The following CUX1 variants were observed in gnomAD, a reference collection of about 807,000 sequenced individuals.
The protein encoded by CUX1 is cut like homeobox 1.
A neutral mutation model predicts 158.8 loss-of-function variants in CUX1; 31 were observed. That is an observed-to-expected ratio of 0.20 (90% CI 0.15 to 0.26). The LOEUF is 0.26. Among genes scored for constraint, CUX1 ranks in the 10% least tolerant of loss-of-function variants. The pLI is 1.00. For missense variants in CUX1, 1,589 were observed against 2,014.6 expected (o/e 0.79, Z 4.04); for synonymous variants, 879 against 862.1 (o/e 1.02, Z -0.34).
At chr7:102,273,375 C>T (rs62001055) in exon 15 of CUX1, 12 of 1,611,788 alleles carry the variant, frequency 7.4e-6, no homozygotes, top group African/African-American at 4.0e-5. Flanking sequence ...GGACGCTGTG[C>T]GGAGCTGCAA....
intron 2 of CUX1, among the ~76,000 whole-genome samples, chr7:101,980,084 C>A (rs1476137300): frequency 6.6e-6 from 1 of 152,200 alleles, no homozygotes; most frequent in Non-Finnish European, 1.5e-5. Context: ...TGGAAGGGCT[C>A]CCAGCCAGCA....
rs532380648 is a variant in CUX1 at position 101,913,588 on chromosome 7, G to A, written c.31-2527G>A. 56 of 249,742 alleles carry A rather than the reference G, an allele frequency of 2.2e-4. 1 individual carries two copies. The Middle Eastern group carries it at 5.2e-3, about 23-fold the overall frequency. 15.5% of individuals were successfully genotyped at this position (249,742 alleles called of 1,614,324 possible). Reference sequence around the variant, plus strand: ...CGGCTCATCTGGCATCTTCCCCAGCGTTTCCCACACTTGACCCACTAGATG... The same window carrying A: ...CGGCTCATCTGGCATCTTCCCCAGCATTTCCCACACTTGACCCACTAGATG... On this transcript the variant is annotated intron_variant, in intron 1 of 23. Transcript: ENST00000292535.
intron 3 of CUX1, among the ~76,000 whole-genome samples, chr7:102,045,665 A>C: frequency 6.6e-6 from 1 of 152,418 alleles, no homozygotes; most frequent in Admixed American, 6.5e-5. Context: ...GGGCAAATTG[A>C]TTTCGGCCCA....
At chr7:102,144,181 C>T (rs1834773231) in intron 8 of CUX1, among the ~76,000 whole-genome samples, 1 of 152,174 alleles carries the variant, frequency 6.6e-6, no homozygotes, top group Non-Finnish European at 1.5e-5. Flanking sequence ...TTATGTCTTG[C>T]TTATCACCTT....
chr7:102,148,888 C>A (rs1280450267), intron 8 of CUX1, among the ~76,000 whole-genome samples: 2 of 151,490 alleles, frequency 1.3e-5, no homozygotes, highest in African/African-American at 2.4e-5. Context: ...GCATTTTCAT[C>A]GCTTAGCTCC....
chr7:102,148,285 T>C (rs1057339302), intron 8 of CUX1, among the ~76,000 whole-genome samples: 1 of 152,078 alleles, frequency 6.6e-6, no homozygotes, highest in Admixed American at 6.5e-5. Flanking sequence ...ACACCTGTGA[T>C]CCTAACACCT....
chr7:102,142,974 C>T (rs1031759916), intron 8 of CUX1, among the ~76,000 whole-genome samples: 2 of 152,042 alleles, frequency 1.3e-5, no homozygotes, highest in African/African-American at 2.4e-5. Context: ...AAGTAACAAC[C>T]GGTCCCCATT....
In CUX1 at chr7:102,256,492, T is replaced by C; in HGVS notation, c.*7450T>C. Reference sequence around the variant, plus strand: ...TACTCCCCCAGAGAACCAAGGCGTCTGGGGGATTGACTGGGGGGCAGAGGG... The same window carrying C: ...TACTCCCCCAGAGAACCAAGGCGTCCGGGGGATTGACTGGGGGGCAGAGGG... On this transcript the variant is annotated 3_prime_UTR_variant, in exon 24 of 24. Transcript: ENST00000292535. 1 of 985,406 alleles carries C rather than the reference T, an allele frequency of 1.0e-6. No individual in the cohort carries two copies. The highest frequency in any genetic ancestry group is 1.2e-6 in the Non-Finnish European group (1 of 829,922). The allele number at this position is 985,406 out of a possible 1,614,324, so 61.0% of individuals were successfully genotyped here.
At chr7:102,220,442 C>G (rs868956708) in intron 20 of CUX1, among the ~76,000 whole-genome samples, 25 of 152,324 alleles carry the variant, frequency 1.6e-4, no homozygotes, top group South Asian at 8.3e-4. Flanking sequence ...CGTAAACCAC[C>G]AGGGGGTGTG....
intron 2 of CUX1, among the ~76,000 whole-genome samples, chr7:102,005,674 C>G (rs752893965): frequency 1.3e-4 from 20 of 152,088 alleles, no homozygotes; most frequent in Admixed American, 9.8e-4. Context: ...CTGCGTGATT[C>G]CCAAAGCTTC....
At chr7:102,003,220 C>T (rs9641287) in intron 2 of CUX1, among the ~76,000 whole-genome samples, 86,474 of 150,722 alleles carry the variant, frequency 0.57, 25,371 homozygotes, top group East Asian at 0.96. Context: ...TCTAGAGAGG[C>T]CCCTTGATCC....
chr7:101,997,001 G>A (rs1241287059), intron 2 of CUX1, among the ~76,000 whole-genome samples: 1 of 152,012 alleles, frequency 6.6e-6, no homozygotes, highest in Non-Finnish European at 1.5e-5. Context: ...CCCTGCGCTC[G>A]TGTGCACTCC....
chr7:101,990,629 G>A (rs1160364759), intron 2 of CUX1, among the ~76,000 whole-genome samples: 3 of 151,950 alleles, frequency 2.0e-5, no homozygotes, highest in Non-Finnish European at 2.9e-5. Context: ...CTCCCACCTC[G>A]GCCTCCCAAA....
At chr7:101,857,928 G>A (rs1282678408) in intron 1 of CUX1, among the ~76,000 whole-genome samples, 1 of 152,146 alleles carries the variant, frequency 6.6e-6, no homozygotes, top group African/African-American at 2.4e-5. Context: ...TTCAAGACCA[G>A]CCTGGCCAAC....
At chr7:102,049,386 C>T (rs185539035) in intron 3 of CUX1, among the ~76,000 whole-genome samples, 1 of 152,308 alleles carries the variant, frequency 6.6e-6, no homozygotes, top group East Asian at 1.9e-4. Context: ...CAAGTAACTT[C>T]CTTGGAGCTT....
intron 1 of CUX1, among the ~76,000 whole-genome samples, chr7:101,872,409 C>T (rs1267339969): frequency 6.6e-6 from 1 of 152,092 alleles, no homozygotes; most frequent in Non-Finnish European, 1.5e-5. Flanking sequence ...GTTGGGATTA[C>T]AGGCATGAGC....
intron 2 of CUX1, among the ~76,000 whole-genome samples, chr7:101,948,380 C>A (rs1468067362): frequency 1.3e-5 from 2 of 151,992 alleles, no homozygotes. Context: ...AGAATCCATT[C>A]CCTCTGTGCC....
At chr7:102,049,592 G>T (rs552764067) in intron 3 of CUX1, among the ~76,000 whole-genome samples, 1 of 152,058 alleles carries the variant, frequency 6.6e-6, no homozygotes, top group Non-Finnish European at 1.5e-5. Flanking sequence ...AATCCCAGGT[G>T]TGATGGAGAG....
chr7:101,955,607 T>C (rs1342431922), intron 2 of CUX1, among the ~76,000 whole-genome samples: 6 of 152,116 alleles, frequency 3.9e-5, no homozygotes, highest in Admixed American at 3.9e-4. Flanking sequence ...CTCTCCTAAT[T>C]TGCACCCTTC....
Sources: allele counts gnomAD v4.1 joint callset (sites outside exome capture counted in the v4.1 genomes callset), GRCh38; gene constraint gnomAD v4.1.1; transcripts MANE v1.5; gene names NCBI Gene and HGNC (gene_info 2026-07-23, HGNC 2026-07-21).